Variants in MSRA observed in about 807,000 individuals in gnomAD.
The protein encoded by MSRA is methionine sulfoxide reductase A.
MSRA carries 54 observed loss-of-function variants against 31.3 expected under a neutral mutation model. The ratio of observed to expected loss-of-function variants is 1.73; its 90% confidence interval spans 1.39 to 2.17. The LOEUF (loss-of-function observed/expected upper bound fraction) is 2.17, where lower values mean the gene tolerates loss of function less well. Among genes scored for constraint, MSRA ranks in the 30% most tolerant of loss-of-function variants. MSRA has a pLI of 0.00. For missense variants in MSRA, 507 were observed against 300.9 expected (o/e 1.69, Z -5.07); for synonymous variants, 169 against 116.5 (o/e 1.45, Z -2.90).
At chr8:10,283,379 G>A (rs1436867130) in intron 3 of MSRA, among the ~76,000 whole-genome samples, 6 of 152,006 alleles carry the variant, frequency 3.9e-5, no homozygotes, top group East Asian at 1.9e-4. Context: ...AAGCTGCTTC[G>A]TGTTGTCCAG....
chr8:10,321,432 G>A (rs573739680), intron 5 of MSRA, among the ~76,000 whole-genome samples: 2 of 152,206 alleles, frequency 1.3e-5, no homozygotes, highest in South Asian at 4.1e-4. Flanking sequence ...TGAGCGGAGA[G>A]GCCTGAGGGA....
intron 3 of MSRA, among the ~76,000 whole-genome samples, chr8:10,256,253 C>T (rs1307452626): frequency 6.6e-6 from 1 of 152,136 alleles, no homozygotes; most frequent in East Asian, 1.9e-4. Context: ...TGGCTTCTTT[C>T]AGTAATATGC....
chr8:10,303,326 A>G (rs1252176321), intron 4 of MSRA, among the ~76,000 whole-genome samples: 1 of 152,078 alleles, frequency 6.6e-6, no homozygotes, highest in African/African-American at 2.4e-5. Flanking sequence ...ATTTGATCAC[A>G]TCTTCATTGA....
intron 3 of MSRA, among the ~76,000 whole-genome samples, chr8:10,269,322 G>A (rs1432538748): frequency 1.3e-5 from 2 of 152,170 alleles, no homozygotes; most frequent in African/African-American, 4.8e-5. Context: ...GGAAAATAAA[G>A]GCTTAAAGGA....
chr8:10,148,038 G>A (rs1159140165), intron 1 of MSRA, among the ~76,000 whole-genome samples: 2 of 152,226 alleles, frequency 1.3e-5, no homozygotes, highest in Admixed American at 1.3e-4. Context: ...CTCCATTGCG[G>A]GCACAGCCGT....
At chr8:10,079,584 A>C (rs1222373120) in intron 1 of MSRA, among the ~76,000 whole-genome samples, 1 of 152,206 alleles carries the variant, frequency 6.6e-6, no homozygotes, top group Non-Finnish European at 1.5e-5. Flanking sequence ...GACTGGTCTT[A>C]AGTGTCACAT....
chr8:10,317,951 A>G (rs1585451520), intron 4 of MSRA, among the ~76,000 whole-genome samples: 1 of 151,902 alleles, frequency 6.6e-6, no homozygotes, highest in African/African-American at 2.4e-5. Flanking sequence ...TACACGCCCA[A>G]CCCACCAGCT....
At chr8:10,417,857 T>C (rs1808576246) in intron 5 of MSRA, among the ~76,000 whole-genome samples, 1 of 151,192 alleles carries the variant, frequency 6.6e-6, no homozygotes, top group East Asian at 2.0e-4. Flanking sequence ...GGAATTGAAG[T>C]GGTCTCCGTG....
intron 1 of MSRA, among the ~76,000 whole-genome samples, chr8:10,197,011 C>G (rs1273375127): frequency 2.6e-5 from 4 of 152,096 alleles, no homozygotes; most frequent in Non-Finnish European, 5.9e-5. Flanking sequence ...AAACAAATTC[C>G]TTTTGGTCTA....
chr8:10,106,600 G>A (rs1484983718), intron 1 of MSRA, among the ~76,000 whole-genome samples: 1 of 152,192 alleles, frequency 6.6e-6, no homozygotes. Context: ...AGGAAATAGA[G>A]GCCCAGAGAA....
intron 1 of MSRA, among the ~76,000 whole-genome samples, chr8:10,188,040 A>C (rs1004436044): frequency 6.6e-6 from 1 of 152,230 alleles, no homozygotes; most frequent in Non-Finnish European, 1.5e-5. Context: ...CATGTTGAGG[A>C]TTTCTCACAA....
At position 10,390,457 on chromosome 8, in the gene MSRA, C is replaced by G. The variant is rs565943279; in HGVS notation, c.544-37691C>G. Among the ~76,000 whole-genome samples the G allele has an allele frequency of 3.3e-5, 5 of 152,330 alleles. No homozygotes were observed. The East Asian group carries it at 9.7e-4, about 29-fold the overall frequency. ...GGGCCACTGGCACTTGCCTCTTAGT[C>G]TTCCTCCCCACTCCCACCCGTGTCC... On this transcript the variant is annotated intron_variant, in intron 5 of 5. Coordinates refer to ENST00000317173, the MANE Select transcript of MSRA (RefSeq NM_012331.5).
At chr8:10,134,760 C>T (rs1156403967) in intron 1 of MSRA, among the ~76,000 whole-genome samples, 7 of 152,220 alleles carry the variant, frequency 4.6e-5, no homozygotes, top group Non-Finnish European at 8.8e-5. Flanking sequence ...CAGAACAGAG[C>T]AACTAGACCA....
chr8:10,180,763 G>C (rs890934569), intron 1 of MSRA, among the ~76,000 whole-genome samples: 1 of 152,148 alleles, frequency 6.6e-6, no homozygotes, highest in African/African-American at 2.4e-5. Context: ...GACACTGTTG[G>C]AAATTGTGGT....
At chr8:10,381,383 G>T (rs1223071779) in intron 5 of MSRA, among the ~76,000 whole-genome samples, 2 of 152,082 alleles carry the variant, frequency 1.3e-5, no homozygotes, top group Non-Finnish European at 2.9e-5. Flanking sequence ...TTTGGTTTAG[G>T]GCTAATCCCC....
intron 4 of MSRA, among the ~76,000 whole-genome samples, chr8:10,319,186 C>G (rs538959111): frequency 3.1e-4 from 47 of 152,296 alleles, no homozygotes; most frequent in Non-Finnish European, 2.2e-4. Context: ...CTGAAACATG[C>G]TACTGGGTCC....
intron 1 of MSRA, among the ~76,000 whole-genome samples, chr8:10,077,266 A>G (rs1011371544): frequency 6.6e-6 from 1 of 152,162 alleles, no homozygotes; most frequent in African/African-American, 2.4e-5. Flanking sequence ...GCCAGGTGGG[A>G]AAGTGTGGAG....
intron 3 of MSRA, among the ~76,000 whole-genome samples, chr8:10,252,606 A>C (rs1206808466): frequency 6.6e-6 from 1 of 151,878 alleles, no homozygotes; most frequent in African/African-American, 2.4e-5. Context: ...TTGCTCCCTC[A>C]CCTCCCTCCC....
intron 2 of MSRA, among the ~76,000 whole-genome samples, chr8:10,215,510 C>G (rs969565117): frequency 6.6e-6 from 1 of 152,184 alleles, no homozygotes; most frequent in Non-Finnish European, 1.5e-5. Context: ...GGGAGAGTGA[C>G]GCCAACATCA....
Sources: gnomAD v4.1 joint callset for allele counts (sites outside exome capture counted in the v4.1 genomes callset) on GRCh38, gnomAD v4.1.1 for gene constraint, MANE v1.5 for transcripts, NCBI Gene and HGNC (gene_info 2026-07-23, HGNC 2026-07-21) for gene names.